TET3: variants seen among roughly 807,000 people sequenced by gnomAD.
TET3 encodes methylcytosine dioxygenase TET3.
TET3 carries 19 observed loss-of-function variants against 141.4 expected under a neutral mutation model. The ratio of observed to expected loss-of-function variants is 0.13; its 90% CI spans 0.09 to 0.20. TET3 has a LOEUF of 0.20. Ranked by LOEUF, TET3 falls within the 10% of genes least tolerant of loss-of-function variation. The pLI, the probability that TET3 is intolerant of heterozygous loss-of-function variation, is 1.00. For missense variants in TET3, 1,874 were observed against 2,356.9 expected, an observed-to-expected ratio of 0.80 and a Z score of 4.24; for synonymous variants, 1,043 against 980.9, an observed-to-expected ratio of 1.06 and a Z score of -1.18.
chr2:74,074,543 C>CT (rs1404172198), intron 5 of TET3, among the ~76,000 whole-genome samples: 4 of 152,222 alleles, frequency 2.6e-5, no homozygotes, highest in Non-Finnish European at 4.4e-5. Flanking sequence ...AGTAAACACT[C>CT]TAAGTTCGAG....
intron 2 of TET3, among the ~76,000 whole-genome samples, chr2:73,991,321 C>T (rs562627574): frequency 1.3e-5 from 2 of 151,924 alleles, no homozygotes; most frequent in East Asian, 3.9e-4. Context: ...CGGTGGCTCA[C>T]GCTTGTAATC....
intron 8 of TET3, 102 bp from the exon 9 acceptor site, chr2:74,092,800 C>A: frequency 2.0e-6 from 2 of 1,022,692 alleles, no homozygotes; most frequent in Non-Finnish European, 3.0e-6. Context: ...CACCTCCCTC[C>A]CAGCCTCCCC....
At chr2:74,116,834 T>C in the TET3 span, among the ~76,000 whole-genome samples, 910 of 152,250 alleles carry the variant, frequency 6.0e-3, 15 homozygotes, top group African/African-American at 0.021. Context: ...CCCAGCACTT[T>C]GGGTGCGGCT....
chr2:74,071,946 C>T (rs191097910), intron 4 of TET3, among the ~76,000 whole-genome samples: 7 of 152,268 alleles, frequency 4.6e-5, no homozygotes, highest in African/African-American at 1.4e-4. Flanking sequence ...TTGAGCTTCA[C>T]GTAAAATTAA....
intron 3 of TET3, among the ~76,000 whole-genome samples, chr2:74,012,994 G>A (rs1169306016): frequency 6.7e-6 from 1 of 148,796 alleles, no homozygotes; most frequent in African/African-American, 2.5e-5. Flanking sequence ...TTGGTAATGG[G>A]GTGTTTTTTT....
At chr2:74,108,586 T>C (rs1224936669), downstream of TET3, among the ~76,000 whole-genome samples, 1 of 152,190 alleles carries the variant, frequency 6.6e-6, no homozygotes, top group African/African-American at 2.4e-5. Flanking sequence ...CTAGTAGGGA[T>C]TGGCTAATAT....
At chr2:74,000,268 C>T (rs1022078902) in intron 2 of TET3, among the ~76,000 whole-genome samples, 3 of 152,198 alleles carry the variant, frequency 2.0e-5, no homozygotes, top group African/African-American at 4.8e-5. Context: ...TCTCCACCCT[C>T]CTTGTGTAGA....
Position 74,080,506 on chromosome 2 carries a change from A to G in TET3, c.2594A>G (p.Glu865Gly). The G allele has an allele frequency of 7.4e-6, 12 of 1,613,006 alleles. No individual in the cohort carries two copies. The highest frequency in any genetic ancestry group is 1.0e-5 in the Non-Finnish European group (12 of 1,179,474). ...TCTGTCTCCCTCTTCAGGTATGGAG[A>G]GAAGGGGAAAGCCATCCGGATCGAG... ...IRELMEERYG[E>G]KGKAIRIEKV... Residue 865 changes from glutamate (E) to glycine (G), a missense_variant, in exon 6 of 12, where the codon GAG becomes GGG. Physicochemically the swap from Glu to Gly is moderately conservative, Grantham distance 98. Transcript: ENST00000409262.
At chr2:74,066,287 T>TG (rs1688894376) in intron 4 of TET3, among the ~76,000 whole-genome samples, 1 of 152,236 alleles carries the variant, frequency 6.6e-6, no homozygotes, top group Non-Finnish European at 1.5e-5. Context: ...TCTTAGTTCC[T>TG]AGCTCAGGAT....
At chr2:74,050,186 T>C (rs1687872771) in intron 4 of TET3, among the ~76,000 whole-genome samples, 1 of 152,254 alleles carries the variant, frequency 6.6e-6, no homozygotes, top group Non-Finnish European at 1.5e-5. Flanking sequence ...AACTAGTTTT[T>C]AAATTTGCAT....
intron 4 of TET3, among the ~76,000 whole-genome samples, chr2:74,069,489 T>G (rs1032950475): frequency 2.0e-5 from 3 of 150,764 alleles, no homozygotes; most frequent in Non-Finnish European, 4.4e-5. Context: ...TCACATAGAG[T>G]TTAATGAAAT....
At chr2:74,084,675 G>A (rs895309817) in intron 6 of TET3, among the ~76,000 whole-genome samples, 7 of 152,012 alleles carry the variant, frequency 4.6e-5, no homozygotes, top group Non-Finnish European at 8.8e-5. Context: ...GGATGGTCTC[G>A]ATCTCCTGAC....
At position 74,100,696 on chromosome 2, in the gene TET3, C is replaced by G. The variant is rs758111283; in HGVS notation, c.3908C>G (p.Pro1303Arg). Residue 1303 changes from proline (P) to arginine (R), a missense_variant, in exon 12 of 12, where the codon CCT (proline) becomes CGT (arginine). Pro to Arg is a moderately radical substitution (Grantham distance 103). Around this residue, in one of 10 missense-constraint regions of TET3, gnomAD observed 602 missense variants for 590.2 expected, o/e 1.02. Transcript: ENST00000409262. Reference sequence around the variant, plus strand: ...GTCTTCCCCTCTCAGTTCCTGGGTCCTGGTGCCTGGGGGCACAGTGGCAGC... The same window carrying G: ...GTCTTCCCCTCTCAGTTCCTGGGTCGTGGTGCCTGGGGGCACAGTGGCAGC... ...NPVFPSQFLG[P>R]GAWGHSGSSG... 1.9e-6 allele frequency: 3 copies of G among 1,614,048 alleles called. No individual in the cohort carries two copies. The highest frequency in any genetic ancestry group is 1.6e-4 in the Middle Eastern group (1 of 6,062).
intron 2 of TET3, among the ~76,000 whole-genome samples, chr2:73,989,504 T>C (rs1203273844): frequency 6.6e-6 from 1 of 152,196 alleles, no homozygotes; most frequent in Admixed American, 6.5e-5. Flanking sequence ...TTCCATCTTC[T>C]TTCCCTGCTC....
rs771922365 is a variant in TET3, at chr2:74,046,906, A to G, written c.989A>G (p.Gln330Arg). The G allele has an allele frequency of 6.2e-7, 1 of 1,613,806 alleles. No individual in the cohort carries two copies. The highest frequency in any genetic ancestry group is 1.7e-5 in the Admixed American group (1 of 60,018). Residue 330 changes from glutamine to arginine, a missense_variant, in exon 4 of 12, where the codon CAG becomes CGG. Gln to Arg is a conservative substitution (Grantham distance 43, BLOSUM62 1). This residue lies in a region of TET3 where 366 missense variants were observed against 487.0 expected (regional missense o/e 0.75). Coordinates refer to ENST00000409262, the MANE Select transcript of TET3 (RefSeq NM_001287491.2). The surrounding 1 kb of genome is among the most constrained non-coding windows in gnomAD (Gnocchi z 4.3). ...CCACTCCTCAGCTCAGAGGTGCCCC[A>G]GATCTCTCCCCAAGAGGGCCTGCCC... ...TRPLLSSEVP[Q>R]ISPQEGLPLS...
intron 4 of TET3, 76 bp from the exon 5 acceptor site, chr2:74,073,473 T>C (rs1182662423): frequency 1.0e-5 from 12 of 1,148,328 alleles, no homozygotes; most frequent in Non-Finnish European, 1.4e-5. Context: ...TTAACTTTCC[T>C]GTTGGTGGTT....
chr2:74,069,710 C>G (rs943986277), intron 4 of TET3, among the ~76,000 whole-genome samples: 2 of 151,976 alleles, frequency 1.3e-5, no homozygotes, highest in African/African-American at 4.8e-5. Context: ...CCTCAGCTTT[C>G]CAAGTAGCTG....
intron 4 of TET3, among the ~76,000 whole-genome samples, chr2:74,068,845 CT>C (rs1385628803): frequency 6.6e-6 from 1 of 152,118 alleles, no homozygotes; most frequent in Non-Finnish European, 1.5e-5. Context: ...CCATTGGTAT[CT>C]TTTTTTCATT....
In TET3 at chr2:74,107,862, A is replaced by G. The variant is rs1247764409; in HGVS notation, c.*5686A>G. On this transcript the variant is annotated 3_prime_UTR_variant, in exon 12 of 12. Transcript: ENST00000409262. ...GTCTCAAGGCAATAGGATGTGTATT[A>G]AACTGTAGATATTCTTAGTACAGTA... 1 of 152,304 alleles carries G rather than the reference A, an allele frequency of 6.6e-6. No individual in the cohort carries two copies. Among genetic ancestry groups the G allele is most frequent in the Non-Finnish European group, 1.5e-5 (1 of 68,034 alleles). The allele number at this position is 152,304 out of a possible 1,614,324, so 9.4% of individuals were successfully genotyped here.
Sources: allele counts gnomAD v4.1 joint callset (sites outside exome capture counted in the v4.1 genomes callset), GRCh38; gene constraint gnomAD v4.1.1; regional missense constraint gnomAD v4.1.1; non-coding constraint Gnocchi (gnomAD v3.1); transcripts MANE v1.5; gene names NCBI Gene and HGNC (gene_info 2026-07-23, HGNC 2026-07-21).